LIPA: variants seen among roughly 807,000 people sequenced by gnomAD.
LIPA encodes lysosomal acid lipase/cholesteryl ester hydrolase.
LIPA carries 26 observed loss-of-function variants against 40.6 expected under a neutral mutation model. The observed-to-expected ratio is 0.64, with a 90% CI of 0.47 to 0.89. The LOEUF (loss-of-function observed/expected upper bound fraction) is 0.89, where lower values mean the gene tolerates loss of function less well. Among genes scored for constraint, LIPA ranks in the 40% least tolerant of loss-of-function variants. The pLI, the probability that LIPA is intolerant of heterozygous loss-of-function variation, is 0.00. For synonymous variants in LIPA, 188 were observed against 168.4 expected (o/e 1.12, Z -0.90); for missense variants, 455 against 479.6 (o/e 0.95, Z 0.48).
At chr10:89,356,534 C>G (rs1211398310) in intron 2 of LIPA, among the ~76,000 whole-genome samples, 1 of 152,046 alleles carries the variant, frequency 6.6e-6, no homozygotes, top group Non-Finnish European at 1.5e-5. Context: ...GAGCACGAAC[C>G]CTATTGTGAA....
intron 9 of LIPA, 41 bp downstream of exon 9, chr10:89,215,897 G>T: frequency 7.4e-7 from 1 of 1,343,336 alleles, no homozygotes; most frequent in Non-Finnish European, 1.1e-6. Flanking sequence ...TTCTTGATGA[G>T]TTTTCAGGGC....
At chr10:89,412,861 C>G (rs1276930256) in exon 2 of LIPA, 2 of 327,866 alleles carry the variant, frequency 6.1e-6, no homozygotes, top group Admixed American at 4.2e-5. Context: ...TCTTTAACAA[C>G]TGTAGCACTC....
chr10:89,284,571 T>C (rs1843331874), intron 1 of LIPA: 1 of 152,176 alleles, frequency 6.6e-6, no homozygotes, highest in Admixed American at 6.5e-5. Context: ...AAGATTTTTC[T>C]CAGGATATGA....
intron 3 of LIPA, among the ~76,000 whole-genome samples, chr10:89,229,456 A>G (rs1047914414): frequency 6.6e-6 from 1 of 152,184 alleles, no homozygotes; most frequent in African/African-American, 2.4e-5. Context: ...CAACATCAAG[A>G]GTGAACTGTA....
intron 1 of LIPA, chr10:89,306,662 G>A: frequency 6.2e-7 from 1 of 1,614,154 alleles, no homozygotes; most frequent in Non-Finnish European, 8.5e-7. Flanking sequence ...AGAGAAGTTA[G>A]TTGAAGAAGC....
chr10:89,228,446 C>T (rs774870216), intron 3 of LIPA, 48 bp from the exon 4 acceptor site: 1 of 1,433,246 alleles, frequency 7.0e-7, no homozygotes, highest in Non-Finnish European at 9.9e-7. Flanking sequence ...AGCTTCAAAA[C>T]AAATATGATA....
intron 1 of LIPA, chr10:89,306,570 A>G (rs760868864): frequency 6.2e-7 from 1 of 1,614,132 alleles, no homozygotes; most frequent in Admixed American, 1.7e-5. Flanking sequence ...ATTCGGCTGA[A>G]TCCTGACAAC....
At chr10:89,267,600 G>A (rs1843243214) in intron 1 of LIPA, among the ~76,000 whole-genome samples, 1 of 126,058 alleles carries the variant, frequency 7.9e-6, no homozygotes, top group Non-Finnish European at 1.7e-5. Flanking sequence ...GAGGGGGGAG[G>A]GGTAGCATTG....
In LIPA at chr10:89,339,671, T is replaced by C. The variant is rs371103358; in HGVS notation, c.-2+2940A>G. 79 of 1,614,240 alleles carry C rather than the reference T, an allele frequency of 4.9e-5. No individual in the cohort carries two copies. The East Asian group carries it at 1.1e-3, about 23-fold the overall frequency. Reference sequence around the variant, plus strand: ...GCATACTCCGATCTCGCTGAGTTCCTGGAGACGGAATGTTATCAGACACCA... The same window carrying C: ...GCATACTCCGATCTCGCTGAGTTCCCGGAGACGGAATGTTATCAGACACCA... On this transcript the variant is annotated intron_variant, in intron 1 of 5. Coordinates refer to the LIPA transcript ENST00000282673.
intron 3 of LIPA, among the ~76,000 whole-genome samples, chr10:89,241,994 T>C (rs1241295847): frequency 1.3e-5 from 2 of 152,082 alleles, no homozygotes; most frequent in African/African-American, 4.8e-5. Context: ...AAAATGAGGA[T>C]GTTAGTCTAG....
At position 89,359,359 on chromosome 10, in the gene LIPA, G is replaced by T. The variant is rs190643577; in HGVS notation, c.61+53432C>A. 1.8e-3 allele frequency among the ~76,000 whole-genome samples: 267 copies of T among 152,230 alleles called. 2 individuals are homozygous for T. The highest frequency in any genetic ancestry group is 5.9e-3 in the African/African-American group (243 of 41,520). On this transcript the variant is annotated intron_variant, in intron 2 of 8. Transcript: ENST00000371837. Reference sequence around the variant, plus strand: ...AAAAATAAAAATAAATGCCCTGTAGGGCAGTATTTGAGGAATAGGATATTG... The same window carrying T: ...AAAAATAAAAATAAATGCCCTGTAGTGCAGTATTTGAGGAATAGGATATTG...
intron 1 of LIPA, among the ~76,000 whole-genome samples, chr10:89,262,079 T>G (rs777804502): frequency 9.2e-5 from 14 of 152,210 alleles, no homozygotes; most frequent in Non-Finnish European, 1.9e-4. Context: ...TTCTTCAAGC[T>G]AGAATCAGGG....
intron 1 of LIPA, among the ~76,000 whole-genome samples, chr10:89,265,356 C>T (rs1174810200): frequency 6.6e-6 from 1 of 152,130 alleles, no homozygotes; most frequent in Non-Finnish European, 1.5e-5. Flanking sequence ...GGGCTCCCAC[C>T]ATCTCCATGG....
chr10:89,237,221 A>G (rs1169389199), intron 3 of LIPA, among the ~76,000 whole-genome samples: 2 of 152,220 alleles, frequency 1.3e-5, no homozygotes, highest in Non-Finnish European at 2.9e-5. Flanking sequence ...TTGAGGTTAC[A>G]GTGAGCTATA....
At chr10:89,232,790 T>C (rs893579241) in intron 3 of LIPA, among the ~76,000 whole-genome samples, 1 of 152,206 alleles carries the variant, frequency 6.6e-6, no homozygotes, top group Non-Finnish European at 1.5e-5. Context: ...CTCTAGAGCT[T>C]TGAATGGGGA....
intron 1 of LIPA, among the ~76,000 whole-genome samples, chr10:89,288,044 G>A (rs1843351116): frequency 6.6e-6 from 1 of 152,102 alleles, no homozygotes; most frequent in African/African-American, 2.4e-5. Flanking sequence ...ATCAGGCTCA[G>A]CAAATTACCT....
chr10:89,274,963 G>A (rs892624730), intron 1 of LIPA, among the ~76,000 whole-genome samples: 2 of 152,194 alleles, frequency 1.3e-5, no homozygotes, highest in Non-Finnish European at 2.9e-5. Flanking sequence ...AAAATGAAAA[G>A]GCATTCTATC....
chr10:89,403,377 T>G, intron 2 of LIPA: 2 of 1,613,548 alleles, frequency 1.2e-6, no homozygotes, highest in Non-Finnish European at 1.7e-6. Flanking sequence ...AAAATTGTTA[T>G]GCATGAAACC....
intron 8 of LIPA, among the ~76,000 whole-genome samples, chr10:89,222,307 T>C (rs1252225383): frequency 6.6e-6 from 1 of 152,188 alleles, no homozygotes; most frequent in Non-Finnish European, 1.5e-5. Context: ...CAGTAGCTGT[T>C]TGTGAACCCA....
Sources: gnomAD v4.1 joint callset for allele counts (sites outside exome capture counted in the v4.1 genomes callset) on GRCh38, gnomAD v4.1.1 for gene constraint, MANE v1.5 for transcripts, NCBI Gene and HGNC (gene_info 2026-07-23, HGNC 2026-07-21) for gene names.